Variants in RGS12 observed in about 807,000 individuals in gnomAD.
RGS12 encodes the protein regulator of G-protein signaling 12.
In RGS12, 66 loss-of-function variants were observed where a neutral mutation model predicts 120.1. The observed-to-expected ratio is 0.55, with a 90% CI of 0.45 to 0.67. The LOEUF (loss-of-function observed/expected upper bound fraction) is 0.67. Among genes scored for constraint, RGS12 ranks in the 30% least tolerant of loss-of-function variants. RGS12 has a pLI of 0.00. For synonymous variants in RGS12, 827 were observed against 804.7 expected (o/e 1.03, Z -0.47); for missense variants, 1,859 against 1,957.7 (o/e 0.95, Z 0.95).
intron 5 of RGS12, 67 bp downstream of exon 5, chr4:3,414,308 T>G (rs990050067): frequency 4.5e-5 from 66 of 1,459,568 alleles, no homozygotes; most frequent in Non-Finnish European, 5.8e-5. Context: ...GAGCAGGATC[T>G]GTGGGCCGCC....
intron 3 of RGS12, among the ~76,000 whole-genome samples, chr4:3,363,017 G>A (rs1350386884): frequency 1.3e-5 from 2 of 151,766 alleles, no homozygotes; most frequent in Non-Finnish European, 2.9e-5. Flanking sequence ...GTCTGTGAGT[G>A]CATGGCAAGG....
At chr4:3,309,868 A>G (rs1724250305) in intron 1 of RGS12, among the ~76,000 whole-genome samples, 1 of 122,556 alleles carries the variant, frequency 8.2e-6, no homozygotes, top group East Asian at 2.5e-4. Context: ...AGGAGCTGGG[A>G]TCCGGGAATG....
intron 3 of RGS12, among the ~76,000 whole-genome samples, chr4:3,371,117 G>A (rs866702340): frequency 3.3e-5 from 5 of 152,178 alleles, no homozygotes; most frequent in Non-Finnish European, 7.3e-5. Flanking sequence ...AATGAGCCGC[G>A]TCCTTCCTTT....
chr4:3,412,467 T>C (rs909233956), intron 4 of RGS12, among the ~76,000 whole-genome samples: 3 of 152,332 alleles, frequency 2.0e-5, no homozygotes, highest in Non-Finnish European at 4.4e-5. Context: ...CCCTGGCCCC[T>C]TGCTGATAAT....
At chr4:3,414,347 G>T in intron 5 of RGS12, 106 bp downstream of exon 5, 1 of 1,293,640 alleles carries the variant, frequency 7.7e-7, no homozygotes, top group South Asian at 1.5e-5. Context: ...TGCGGGCCCT[G>T]AGCAGCCCCG....
intron 10 of RGS12, among the ~76,000 whole-genome samples, chr4:3,421,370 G>C (rs537396620): frequency 2.0e-5 from 3 of 152,258 alleles, no homozygotes; most frequent in Admixed American, 6.5e-5. Flanking sequence ...TTCTTCTTCA[G>C]TTGTTCCAAA....
chr4:3,396,279 A>G (rs1720041002), intron 4 of RGS12, among the ~76,000 whole-genome samples: 1 of 152,206 alleles, frequency 6.6e-6, no homozygotes, highest in Non-Finnish European at 1.5e-5. Flanking sequence ...TCTTAGTGGT[A>G]TCTTGTGATG....
chr4:3,350,715 T>C lies in RGS12; in HGVS notation c.1998+7662T>C, dbSNP rs149882071. The stretch of plus-strand genomic sequence containing the variant: ...AAAAAACAAAAAAAACAAAAAAGAT[T>C]TATTTAAGTCACACGAACTAAAAAG... On this transcript the variant is annotated intron_variant, in intron 3 of 17. Transcript: ENST00000336727. Among the ~76,000 whole-genome samples the C allele has an allele frequency of 5.4e-4, 82 of 151,774 alleles. 1 individual carries two copies. The East Asian group carries it at 0.015, about 28-fold the overall frequency.
At chr4:3,338,689 G>C (rs2108760248) in intron 2 of RGS12, among the ~76,000 whole-genome samples, 1 of 152,318 alleles carries the variant, frequency 6.6e-6, no homozygotes, top group Non-Finnish European at 1.5e-5. Flanking sequence ...CTTGAGTGCT[G>C]GGTGTGGTGG....
At chr4:3,387,641 G>A (rs2108974969) in intron 4 of RGS12, among the ~76,000 whole-genome samples, 1 of 152,332 alleles carries the variant, frequency 6.6e-6, no homozygotes, top group Non-Finnish European at 1.5e-5. Flanking sequence ...CATTTAATCA[G>A]TCTTAAGGTG....
chr4:3,328,806 A>G (rs1394118887), intron 2 of RGS12, among the ~76,000 whole-genome samples: 3 of 152,188 alleles, frequency 2.0e-5, no homozygotes, highest in Non-Finnish European at 2.9e-5. Context: ...GTAAACTTAG[A>G]AAACTTTTGA....
At chr4:3,380,605 A>G (rs1002737725) in intron 3 of RGS12, among the ~76,000 whole-genome samples, 2 of 152,218 alleles carry the variant, frequency 1.3e-5, no homozygotes, top group African/African-American at 4.8e-5. Context: ...CCCAAACCTC[A>G]ATTCTTGACT....
At chr4:3,344,341 C>T (rs1298139692) in intron 3 of RGS12, among the ~76,000 whole-genome samples, 1 of 152,164 alleles carries the variant, frequency 6.6e-6, no homozygotes, top group Non-Finnish European at 1.5e-5. Flanking sequence ...GGTGCTCATG[C>T]TGCTGATGAA....
chr4:3,383,949 G>C (rs1291533627), intron 3 of RGS12, among the ~76,000 whole-genome samples: 1 of 152,176 alleles, frequency 6.6e-6, no homozygotes, highest in African/African-American at 2.4e-5. Flanking sequence ...CGTGTATAGA[G>C]GTTTTCTAGA....
intron 3 of RGS12, among the ~76,000 whole-genome samples, chr4:3,379,978 A>G (rs1718097673): frequency 6.6e-6 from 1 of 152,356 alleles, no homozygotes; most frequent in South Asian, 2.1e-4. Context: ...TCATTCTAGC[A>G]TTAACTCAAA....
At position 3,366,479 on chromosome 4, in the gene RGS12, A is replaced by G. The variant is rs1716317535; in HGVS notation, c.1999-19937A>G. On this transcript the variant is annotated intron_variant, in intron 3 of 17. Coordinates refer to ENST00000336727, the MANE Select transcript of RGS12 (RefSeq NM_001394154.1). This position sits in a 1 kb window ranked among gnomAD's most constrained non-coding sequence, Gnocchi z 4.0. Reference sequence around the variant, plus strand: ...GCACAGTCAGCAGAGGCGCTCCTCCAGTTCCCGCCTCTCTGCCTCGCACGC... The same window carrying G: ...GCACAGTCAGCAGAGGCGCTCCTCCGGTTCCCGCCTCTCTGCCTCGCACGC... Among the ~76,000 whole-genome samples the G allele has an allele frequency of 6.6e-6, 1 of 152,138 alleles. No homozygotes were observed. The highest frequency in any genetic ancestry group is 6.5e-5 in the Admixed American group (1 of 15,286).
At chr4:3,309,891 TGAGGGGAAC>T (rs1724254943) in intron 1 of RGS12, among the ~76,000 whole-genome samples, 1 of 132,026 alleles carries the variant, frequency 7.6e-6, no homozygotes, top group African/African-American at 3.2e-5. Flanking sequence ...AGGTGTCCGC[TGAGGGGAAC>T]CGTGCAGGGG....
At position 3,430,410 on chromosome 4, in the gene RGS12, T is replaced by G; in HGVS notation, c.3569T>G (p.Phe1190Cys). 6.2e-7 allele frequency: 1 copy of G among 1,608,082 alleles called. No homozygotes were observed. Among genetic ancestry groups the G allele is most frequent in the Non-Finnish European group, 8.5e-7 (1 of 1,176,436 alleles). ...QKINLDEAEE[F>C]FELISKAQSN... Reference sequence around the variant, plus strand: ...ACTCTGGGTTTTCTTCCAATAGAGTTTTTTGAGCTTATTTCCAAAGCTCAG... The same window carrying G: ...ACTCTGGGTTTTCTTCCAATAGAGTGTTTTGAGCTTATTTCCAAAGCTCAG... Residue 1190 changes from phenylalanine (F) to cysteine (C), a missense_variant, in exon 17 of 18, where the codon TTT becomes TGT. Physicochemically the swap from Phe to Cys is radical, Grantham distance 205. Around this residue, in one of 3 missense-constraint regions of RGS12, gnomAD observed 517 missense variants for 488.5 expected, o/e 1.06. Coordinates refer to ENST00000336727, the MANE Select transcript of RGS12 (RefSeq NM_001394154.1).
intron 2 of RGS12, among the ~76,000 whole-genome samples, chr4:3,334,994 T>G (rs1264902026): frequency 6.6e-6 from 1 of 152,226 alleles, no homozygotes; most frequent in African/African-American, 2.4e-5. Flanking sequence ...CTGGTTGGTT[T>G]ATTTCCTTAG....
Sources: allele counts gnomAD v4.1 joint callset (sites outside exome capture counted in the v4.1 genomes callset), GRCh38; gene constraint gnomAD v4.1.1; regional missense constraint gnomAD v4.1.1; non-coding constraint Gnocchi (gnomAD v3.1); transcripts MANE v1.5; gene names NCBI Gene and HGNC (gene_info 2026-07-23, HGNC 2026-07-21).